BCKDHB: variants seen among roughly 807,000 people sequenced by gnomAD.
The protein encoded by BCKDHB is 2-oxoisovalerate dehydrogenase subunit beta, mitochondrial.
Under a neutral mutation model 48.5 loss-of-function variants are expected in BCKDHB, and 41 were observed. The observed-to-expected ratio is 0.85, with a 90% CI of 0.66 to 1.10. The LOEUF (loss-of-function observed/expected upper bound fraction) is 1.10, where lower values mean the gene tolerates loss of function less well. Ranked by LOEUF, BCKDHB falls within the 50% of genes least tolerant of loss-of-function variation. The probability of loss-of-function intolerance (pLI) is 0.00; values close to 1 mark genes in which losing one functional copy is unlikely to be tolerated. For synonymous variants in BCKDHB, 201 were observed against 174.8 expected, an observed-to-expected ratio of 1.15 and a Z score of -1.18; for missense variants, 496 against 494.2, an observed-to-expected ratio of 1.00 and a Z score of -0.03.
chr6:80,186,170 T>C (rs1773630788), intron 6 of BCKDHB, among the ~76,000 whole-genome samples: 2 of 152,072 alleles, frequency 1.3e-5, no homozygotes, highest in African/African-American at 4.8e-5. Flanking sequence ...TCTCAAGGGT[T>C]TATGTATTTT....
At chr6:80,465,590 A>G in the BCKDHB span, among the ~76,000 whole-genome samples, 1 of 152,222 alleles carries the variant, frequency 6.6e-6, no homozygotes, top group African/African-American at 2.4e-5. Flanking sequence ...TCAGAACTTC[A>G]GAGTTATCTC....
intron 6 of BCKDHB, among the ~76,000 whole-genome samples, chr6:80,184,015 A>G (rs751324856): frequency 6.6e-6 from 1 of 152,068 alleles, no homozygotes; most frequent in Non-Finnish European, 1.5e-5. Context: ...GGTTGCTTCT[A>G]AGTTTTGACA....
At chr6:80,323,875 C>G (rs1425134871) in intron 9 of BCKDHB, among the ~76,000 whole-genome samples, 2 of 152,168 alleles carry the variant, frequency 1.3e-5, no homozygotes, top group African/African-American at 4.8e-5. Flanking sequence ...CGGGTTCACG[C>G]CATTCTCCTG....
chr6:80,259,858 A>C (rs1459275473), intron 8 of BCKDHB, among the ~76,000 whole-genome samples: 1 of 152,172 alleles, frequency 6.6e-6, no homozygotes, highest in African/African-American at 2.4e-5. Context: ...GAAGGTGGAG[A>C]TGTAGGTAAC....
rs568225060 is a variant in BCKDHB at position 80,224,636 on chromosome 6, T to A, written c.951+21424T>A. Among the ~76,000 whole-genome samples the A allele has an allele frequency of 9.2e-5, 14 of 152,304 alleles. No homozygotes were observed. The East Asian group carries it at 2.7e-3, about 29-fold the overall frequency. On this transcript the variant is annotated intron_variant, in intron 8 of 9. Transcript: ENST00000320393. ...GTCTTGAACTCCTGAGCTCAAGCAA[T>A]CTGCCCACCTCAGCCTCCCAAGTTA...
the BCKDHB span, among the ~76,000 whole-genome samples, chr6:80,365,010 T>A: frequency 6.6e-6 from 1 of 151,830 alleles, no homozygotes; most frequent in Admixed American, 6.6e-5. Flanking sequence ...TTATTAAGGG[T>A]TTCAAAAGGG....
chr6:80,116,477 C>G (rs1235734630), intron 1 of BCKDHB, among the ~76,000 whole-genome samples: 1 of 152,218 alleles, frequency 6.6e-6, no homozygotes, highest in African/African-American at 2.4e-5. Context: ...AGACACAGCT[C>G]TGATCAAAAG....
At chr6:80,325,138 T>C (rs1378014968) in intron 9 of BCKDHB, among the ~76,000 whole-genome samples, 1 of 152,186 alleles carries the variant, frequency 6.6e-6, no homozygotes, top group African/African-American at 2.4e-5. Flanking sequence ...AAAAAATCTG[T>C]GGTGTTTTAG....
chr6:80,389,073 G>A, the BCKDHB span, among the ~76,000 whole-genome samples: 1 of 152,192 alleles, frequency 6.6e-6, no homozygotes, highest in African/African-American at 2.4e-5. Flanking sequence ...CTCTGTGAGT[G>A]GCCAAAAACT....
the BCKDHB span, among the ~76,000 whole-genome samples, chr6:80,421,221 C>T: frequency 1.3e-5 from 2 of 152,168 alleles, no homozygotes; most frequent in Non-Finnish European, 2.9e-5. Flanking sequence ...TGCTCTCTCT[C>T]TCCCCTTCTG....
intron 3 of BCKDHB, among the ~76,000 whole-genome samples, chr6:80,142,347 GTCTA>G (rs776274036): frequency 2.0e-5 from 3 of 151,996 alleles, no homozygotes; most frequent in Admixed American, 1.3e-4. Flanking sequence ...TATAAATACT[GTCTA>G]TCTATTATTG....
intron 6 of BCKDHB, among the ~76,000 whole-genome samples, chr6:80,197,784 G>A (rs1311557366): frequency 2.0e-5 from 3 of 152,192 alleles, no homozygotes; most frequent in Non-Finnish European, 4.4e-5. Flanking sequence ...GCTATCTTTG[G>A]TGCATTTTTC....
intron 9 of BCKDHB, among the ~76,000 whole-genome samples, chr6:80,304,801 A>G (rs750104962): frequency 2.0e-5 from 3 of 152,120 alleles, no homozygotes; most frequent in African/African-American, 4.8e-5. Context: ...ACATTGATTG[A>G]CTAAAAAGAA....
chr6:80,223,126 A>C (rs772490325), intron 8 of BCKDHB, among the ~76,000 whole-genome samples: 20 of 152,224 alleles, frequency 1.3e-4, no homozygotes, highest in Non-Finnish European at 2.5e-4. Context: ...TATTCATTTA[A>C]TATAGAAACA....
chr6:80,420,680 G>A, the BCKDHB span, among the ~76,000 whole-genome samples: 7 of 152,160 alleles, frequency 4.6e-5, no homozygotes, highest in African/African-American at 1.7e-4. Flanking sequence ...ATGGCCAGCT[G>A]TTGAGCATTG....
chr6:80,332,817 G>A (rs752078423), intron 9 of BCKDHB, among the ~76,000 whole-genome samples: 8 of 151,282 alleles, frequency 5.3e-5, no homozygotes, highest in Non-Finnish European at 1.2e-4. Context: ...TAGAACTCAA[G>A]TGGCAGCTCA....
At chr6:80,267,487 A>C (rs1463619020) in intron 8 of BCKDHB, among the ~76,000 whole-genome samples, 1 of 152,022 alleles carries the variant, frequency 6.6e-6, no homozygotes, top group Non-Finnish European at 1.5e-5. Flanking sequence ...GTTGTATGAG[A>C]TGGGTCTTGA....
chr6:80,301,697 A>G (rs1228798335), intron 9 of BCKDHB, among the ~76,000 whole-genome samples: 1 of 152,146 alleles, frequency 6.6e-6, no homozygotes, highest in Non-Finnish European at 1.5e-5. Flanking sequence ...CAGAGACACA[A>G]CAACAAAAGA....
chr6:80,191,370 G>A (rs1028408043), intron 6 of BCKDHB, among the ~76,000 whole-genome samples: 4 of 152,136 alleles, frequency 2.6e-5, no homozygotes, highest in Non-Finnish European at 5.9e-5. Flanking sequence ...GACACAGCTA[G>A]TGCTTGGTGT....
Sources: allele counts gnomAD v4.1 joint callset (sites outside exome capture counted in the v4.1 genomes callset), GRCh38; gene constraint gnomAD v4.1.1; transcripts MANE v1.5; gene names NCBI Gene and HGNC (gene_info 2026-07-23, HGNC 2026-07-21).